The following CEP162 variants were observed in gnomAD, a reference collection of about 807,000 sequenced individuals.
The protein encoded by CEP162 is centrosomal protein 162.
Under a neutral mutation model 169.2 loss-of-function variants are expected in CEP162, and 141 were observed. That is an observed-to-expected ratio of 0.83 (90% CI 0.73 to 0.96). The LOEUF is 0.96. Ranked by LOEUF, CEP162 falls within the 40% of genes least tolerant of loss-of-function variation. The pLI is 0.00. For missense variants in CEP162, 1,600 were observed against 1,587.2 expected (o/e 1.01, Z -0.14); for synonymous variants, 540 against 526.4 (o/e 1.03, Z -0.35).
At chr6:84,221,307 G>A (rs559183490) in intron 2 of CEP162, 136 bp from the exon 3 acceptor site, 19 of 468,594 alleles carry the variant, frequency 4.1e-5, no homozygotes, top group Middle Eastern at 5.8e-4. Context: ...CATCAATAAC[G>A]TATAATTTCA....
chr6:84,204,910 G>A (rs1415135155), intron 6 of CEP162, among the ~76,000 whole-genome samples: 1 of 152,150 alleles, frequency 6.6e-6, no homozygotes, highest in Non-Finnish European at 1.5e-5. Flanking sequence ...CGATCCCACA[G>A]AAATACAAAC....
At chr6:84,201,677 A>T (rs2099544574) in intron 8 of CEP162, 60 bp downstream of exon 8, 1 of 834,458 alleles carries the variant, frequency 1.2e-6, no homozygotes, top group African/African-American at 1.8e-5. Flanking sequence ...AATTACTGAG[A>T]TGAAATTCTG....
At chr6:84,136,953 T>C (rs1283783991) in intron 25 of CEP162, among the ~76,000 whole-genome samples, 2 of 152,220 alleles carry the variant, frequency 1.3e-5, no homozygotes, top group South Asian at 2.1e-4. Context: ...AAATACTTCA[T>C]AGGAAGACAG....
At chr6:84,178,430 G>A (rs2099533266) in intron 13 of CEP162, among the ~76,000 whole-genome samples, 1 of 151,784 alleles carries the variant, frequency 6.6e-6, no homozygotes, top group Non-Finnish European at 1.5e-5. Context: ...GGGATAAATG[G>A]GATTCATTAA....
intron 11 of CEP162, among the ~76,000 whole-genome samples, chr6:84,187,227 C>T (rs546976751): frequency 7.2e-5 from 11 of 152,020 alleles, no homozygotes; most frequent in Non-Finnish European, 1.6e-4. Context: ...ATATTAAATA[C>T]CTAGAAGATA....
intron 9 of CEP162, among the ~76,000 whole-genome samples, chr6:84,198,868 G>A (rs1206267740): frequency 1.3e-5 from 2 of 152,068 alleles, no homozygotes; most frequent in Non-Finnish European, 2.9e-5. Context: ...TGGTTAAGTG[G>A]CAAGCTTTAA....
intron 9 of CEP162, among the ~76,000 whole-genome samples, chr6:84,199,911 T>G (rs140397664): frequency 6.6e-6 from 1 of 152,334 alleles, no homozygotes; most frequent in Non-Finnish European, 1.5e-5. Context: ...GTTTAAATAT[T>G]TATCCTGATA....
At chr6:84,185,055 C>T (rs1474883979) in intron 13 of CEP162, 132 bp downstream of exon 13, 5 of 745,078 alleles carry the variant, frequency 6.7e-6, no homozygotes, top group Non-Finnish European at 1.1e-5. Flanking sequence ...ATCACCTACA[C>T]TGCCACCACC....
At chr6:84,222,271 T>C (rs958339397) in intron 2 of CEP162, among the ~76,000 whole-genome samples, 3 of 152,180 alleles carry the variant, frequency 2.0e-5, no homozygotes, top group Middle Eastern at 3.2e-3. Flanking sequence ...TGGAATTTGC[T>C]ACTGGTGATC....
chr6:84,191,027 C>A (rs552112972), intron 11 of CEP162, among the ~76,000 whole-genome samples: 1 of 152,108 alleles, frequency 6.6e-6, no homozygotes. Context: ...GCTTAAGTTC[C>A]TTATAGATTC....
chr6:84,198,288 T>G lies in CEP162; in HGVS notation c.835+2501A>C, dbSNP rs189114155. Among the ~76,000 whole-genome samples, 159 of 152,214 alleles carry G rather than the reference T, an allele frequency of 1.0e-3. 1 individual carries two copies. The highest frequency in any genetic ancestry group is 2.0e-3 in the Non-Finnish European group (135 of 68,012). On this transcript the variant is annotated intron_variant, in intron 9 of 26. Transcript: ENST00000403245. ...TTTTATTTTATTTTATTTATTTATT[T>G]ATTTTTTGAGATGGAGTCTTACTCC...
At position 84,136,413 on chromosome 6, in the gene CEP162, C is replaced by T. The variant is rs906660885; in HGVS notation, c.3871-9901G>A. Among the ~76,000 whole-genome samples the T allele has an allele frequency of 5.3e-5, 8 of 152,282 alleles. No individual in the cohort carries two copies. In the South Asian group the frequency reaches 1.0e-3, roughly 20 times the overall value. ...TGATGAGACAGAGAGGGAATGAGAA[C>T]CACTGAACTTATTCTTCTATCATGA... On this transcript the variant is annotated intron_variant, in intron 25 of 26. Transcript: ENST00000403245.
intron 25 of CEP162, among the ~76,000 whole-genome samples, chr6:84,144,661 A>G (rs573234520): frequency 6.6e-6 from 1 of 152,236 alleles, no homozygotes; most frequent in East Asian, 1.9e-4. Flanking sequence ...TAATGAAAAG[A>G]TTGATTGGTT....
At position 84,171,838 on chromosome 6, in the gene CEP162, G is replaced by A. The variant is rs898513367; in HGVS notation, c.2167-120C>T. On this transcript the variant is annotated intron_variant, in intron 16 of 26. Coordinates refer to ENST00000403245, the MANE Select transcript of CEP162 (RefSeq NM_014895.4). ...CCTTTTAAGTTTCTTTAGCTTTTGC[G>A]TATGTAAAGTCTTTTTTAAACTTTT... The A allele has an allele frequency of 3.9e-5, 16 of 414,430 alleles. 1 individual carries two copies. The East Asian group carries it at 4.0e-4, about 10-fold the overall frequency. The allele number at this position is 414,430 out of a possible 1,614,324, so 25.7% of individuals were successfully genotyped here.
At chr6:84,145,809 T>TAGAC (rs1476674801) in intron 25 of CEP162, among the ~76,000 whole-genome samples, 2 of 152,152 alleles carry the variant, frequency 1.3e-5, no homozygotes, top group African/African-American at 4.8e-5. Flanking sequence ...GTCTTATAAC[T>TAGAC]AGACATACTC....
intron 6 of CEP162, among the ~76,000 whole-genome samples, chr6:84,211,523 T>G (rs2099549449): frequency 1.2e-5 from 1 of 81,314 alleles, no homozygotes; most frequent in African/African-American, 6.9e-5. Context: ...CAAGATTCTA[T>G]CTCAAAAAAA....
intron 1 of CEP162, among the ~76,000 whole-genome samples, chr6:84,226,921 T>C (rs1010253778): frequency 6.6e-6 from 1 of 152,210 alleles, no homozygotes; most frequent in Non-Finnish European, 1.5e-5. Context: ...CTGCATAGTT[T>C]CGTAAAGCAG....
Position 84,174,192 on chromosome 6 carries a change from G to T in CEP162, c.2026-4C>A. ...TTGTTTCTTCAAAGCTGCTTAACTT[G>T]GAGAAATTGCAGAAATTGTTTTATT... On this transcript the variant is annotated splice_region_variant and splice_polypyrimidine_tract_variant and intron_variant, in intron 15 of 26. Coordinates refer to ENST00000403245, the MANE Select transcript of CEP162 (RefSeq NM_014895.4). 6.3e-7 allele frequency: 1 copy of T among 1,595,060 alleles called. No homozygotes were observed. The highest frequency in any genetic ancestry group is 8.5e-7 in the Non-Finnish European group (1 of 1,171,382).
At position 84,179,736 on chromosome 6, in the gene CEP162, A is replaced by C. The variant is rs546062479; in HGVS notation, c.1664-4389T>G. On this transcript the variant is annotated intron_variant, in intron 13 of 26. Coordinates refer to ENST00000403245, the MANE Select transcript of CEP162 (RefSeq NM_014895.4). ...ACACATTTCTGCAAATAAACTAGAA[A>C]ATCTAGAAGAAATGGATAAATTCCT... 2.6e-5 allele frequency among the ~76,000 whole-genome samples: 4 copies of C among 152,294 alleles called. No individual in the cohort carries two copies. The South Asian group carries it at 8.3e-4, about 32-fold the overall frequency.
Sources: allele counts gnomAD v4.1 joint callset (sites outside exome capture counted in the v4.1 genomes callset), GRCh38; gene constraint gnomAD v4.1.1; transcripts MANE v1.5; gene names NCBI Gene and HGNC (gene_info 2026-07-23, HGNC 2026-07-21).